TBX22: variants seen among roughly 807,000 people sequenced by gnomAD.
TBX22 encodes the protein T-box transcription factor 22, also known as T-box transcription factor TBX22.
TBX22 carries 8 observed loss-of-function variants against 30.1 expected under a neutral mutation model. The ratio of observed to expected loss-of-function variants is 0.27; its 90% CI spans 0.16 to 0.48. The LOEUF (loss-of-function observed/expected upper bound fraction) is 0.48, where lower values mean the gene tolerates loss of function less well. TBX22 is among the 20% of genes least tolerant of loss of function. The probability of loss-of-function intolerance (pLI) is 0.99; values close to 1 mark genes in which losing one functional copy is unlikely to be tolerated. For synonymous variants in TBX22, 173 were observed against 149.1 expected, an observed-to-expected ratio of 1.16 and a Z score of -1.17; for missense variants, 463 against 400.5, an observed-to-expected ratio of 1.16 and a Z score of -1.33.
In TBX22 at chrX:80,016,945, G is replaced by T. The variant is rs748173050; in HGVS notation, c.-3+2058G>T. On this transcript the variant is annotated intron_variant, in intron 1 of 8. Coordinates refer to ENST00000373296, the MANE Select transcript of TBX22 (RefSeq NM_001109878.2). ...CACCTGAAGCTGGGGGGCAGAGGTT[G>T]CAGTGAGCTGAGATTGTGCCATTGC... is the stretch of plus-strand genomic sequence containing the variant. Among the ~76,000 whole-genome samples, 13 of 101,695 alleles carry T rather than the reference G, an allele frequency of 1.3e-4. No individual in the cohort carries two copies. In the East Asian group the frequency reaches 2.6e-3, roughly 21 times the overall value. The allele number at this position is 101,695 out of a possible 115,157, so 88.3% of individuals were successfully genotyped here.
At chrX:80,021,211 C>A (rs1382141565) in intron 1 of TBX22, among the ~76,000 whole-genome samples, 7 of 111,936 alleles carry the variant, frequency 6.3e-5, no homozygotes, top group African/African-American at 2.3e-4. Context: ...CCTTTTGTTG[C>A]CCTGCTGGTG....
intron 8 of TBX22, among the ~76,000 whole-genome samples, chrX:80,029,768 T>G (rs1349877391): frequency 8.9e-6 from 1 of 112,378 alleles, no homozygotes; most frequent in Non-Finnish European, 1.9e-5. Context: ...TTTAGTAACA[T>G]TTTAAGGTTT....
chrX:80,017,619 A>T (rs755670785), intron 1 of TBX22, among the ~76,000 whole-genome samples: 1 of 111,732 alleles, frequency 8.9e-6, no homozygotes, highest in Non-Finnish European at 1.9e-5. Context: ...ACCATAGGGT[A>T]GAATTACATT....
intron 8 of TBX22, among the ~76,000 whole-genome samples, chrX:80,028,998 T>C (rs1170476503): frequency 9.1e-6 from 1 of 110,489 alleles, no homozygotes; most frequent in Non-Finnish European, 1.9e-5. Flanking sequence ...ATTTAACTAA[T>C]AGCATCTAGA....
chrX:80,028,123 TAAC>T, intron 8 of TBX22, 47 bp downstream of exon 8: 2 of 1,073,217 alleles, frequency 1.9e-6, no homozygotes, highest in Middle Eastern at 2.5e-4. Flanking sequence ...ATCAATTAAA[TAAC>T]AACATCCGGA....
chrX:80,030,729 T>G lies in TBX22; in HGVS notation c.1181T>G (p.Leu394Arg). The G allele has an allele frequency of 2.5e-6, 3 of 1,211,978 alleles. No individual in the cohort carries two copies. Among genetic ancestry groups the G allele is most frequent in the Non-Finnish European group, 3.3e-6 (3 of 895,536 alleles). Residue 394 changes from leucine to arginine, a missense_variant, in exon 9 of 9, where the codon CTA (leucine) becomes CGA (arginine). Leu to Arg is a moderately radical substitution (Grantham distance 102). Coordinates refer to ENST00000373296, the MANE Select transcript of TBX22 (RefSeq NM_001109878.2). Reference protein sequence around the residue: ...QPLVLPAPERLASSNSSQSLA... With the variant: ...QPLVLPAPERRASSNSSQSLA... ...CTTGTTTTACCGGCTCCTGAAAGAC[T>G]AGCAAGCAGCAACAGTTCTCAGTCT...
chrX:80,019,267 T>C (rs2147580675), intron 1 of TBX22, among the ~76,000 whole-genome samples: 1 of 110,484 alleles, frequency 9.1e-6, no homozygotes, highest in South Asian at 3.9e-4. Flanking sequence ...CATTAAAGTG[T>C]TCATTAGAGT....
intron 8 of TBX22, among the ~76,000 whole-genome samples, chrX:80,028,958 G>GA (rs11413078): frequency 0.4 from 40,817 of 103,002 alleles, 7,653 homozygotes; most frequent in African/African-American, 0.7. Flanking sequence ...GGAATTGCAT[G>GA]AAAAAAAAAA....
intron 3 of TBX22, 33 bp from the exon 4 acceptor site, chrX:80,024,030 C>T (rs376072312): frequency 2.5e-5 from 30 of 1,179,523 alleles, no homozygotes; most frequent in Non-Finnish European, 3.2e-5. Context: ...TTTCTAAAAG[C>T]TCTTGGGTCA....
chrX:80,026,891 C>G, intron 6 of TBX22, 23 bp downstream of exon 6: 1 of 1,206,512 alleles, frequency 8.3e-7, no homozygotes. Context: ...ATGTCTCAGG[C>G]GAATGGAAAT....
intron 1 of TBX22, among the ~76,000 whole-genome samples, chrX:80,021,178 T>C (rs1923672000): frequency 8.9e-6 from 1 of 112,331 alleles, no homozygotes; most frequent in African/African-American, 3.2e-5. Context: ...TTTTGAGTTG[T>C]GCACATTCTT....
At chrX:80,017,289 T>C (rs1923497180) in intron 1 of TBX22, among the ~76,000 whole-genome samples, 1 of 106,818 alleles carries the variant, frequency 9.4e-6, no homozygotes, top group Non-Finnish European at 1.9e-5. Flanking sequence ...TTTGTGTGTG[T>C]GTGTGTGTGT....
chrX:80,027,161 C>A (rs948540971), intron 6 of TBX22, 95 bp from the exon 7 acceptor site: 2 of 543,677 alleles, frequency 3.7e-6, no homozygotes, highest in Non-Finnish European at 6.4e-6. Flanking sequence ...CGTGTTTCAA[C>A]ATCTCTTCTG....
At chrX:80,018,281 C>G (rs960827411) in intron 1 of TBX22, among the ~76,000 whole-genome samples, 41 of 112,156 alleles carry the variant, frequency 3.7e-4, no homozygotes, top group African/African-American at 1.3e-3. Context: ...AGAACATACA[C>G]TTACATTGCA....
rs748428571 is a variant in TBX22, at chrX:80,029,183, C to T, written c.949+1107C>T. Among the ~76,000 whole-genome samples, 21 of 111,520 alleles carry T rather than the reference C, an allele frequency of 1.9e-4. No individual in the cohort carries two copies. The South Asian group carries it at 7.9e-3, about 42-fold the overall frequency. On this transcript the variant is annotated intron_variant, in intron 8 of 8. Coordinates refer to ENST00000373296, the MANE Select transcript of TBX22 (RefSeq NM_001109878.2). ...TAGTTTCTTAAATAACTTTTAAATG[C>T]TTTATTATAAAAGATATTTGCCATC...
At chrX:80,023,934 C>A (rs779066546) in intron 3 of TBX22, 129 bp from the exon 4 acceptor site, 7 of 584,875 alleles carry the variant, frequency 1.2e-5, no homozygotes, top group Non-Finnish European at 2.0e-5. Flanking sequence ...CTATTCCTTG[C>A]TATTTTGAAA....
In TBX22 at chrX:80,030,700, A is replaced by T; in HGVS notation, c.1152A>T (p.Gln384His). ...KICPTNFWQQ[Q>H]PLVLPAPERL... is the part of the protein sequence containing the mutation. ...GTCCAACTAATTTTTGGCAACAGCAACCTCTTGTTTTACCGGCTCCTGAAA... is the reference window on the plus strand; with the variant it reads ...GTCCAACTAATTTTTGGCAACAGCATCCTCTTGTTTTACCGGCTCCTGAAA... The change falls in exon 9 of 9, where the codon CAA becomes CAT. Residue 384 changes from glutamine to histidine, a missense_variant. Physicochemically the swap from Gln to His is conservative, Grantham distance 24. Transcript: ENST00000373296. 1 of 1,211,803 alleles carries T rather than the reference A, an allele frequency of 8.3e-7. No individual in the cohort carries two copies. Among genetic ancestry groups the T allele is most frequent in the Admixed American group, 2.2e-5 (1 of 46,027 alleles).
chrX:80,022,969 C>A, intron 2 of TBX22, 91 bp from the exon 3 acceptor site: 2 of 931,771 alleles, frequency 2.1e-6, no homozygotes, highest in Non-Finnish European at 3.1e-6. Context: ...AGGGACAAGG[C>A]CCTGTCTGCT....
At chrX:80,022,228 G>T in intron 1 of TBX22, 40 bp from the exon 2 acceptor site, 2 of 1,200,792 alleles carry the variant, frequency 1.7e-6, no homozygotes, top group Non-Finnish European at 2.3e-6. Flanking sequence ...CCCAGTTCAG[G>T]TTGAAACTTT....
Sources: allele counts gnomAD v4.1 joint callset (sites outside exome capture counted in the v4.1 genomes callset), GRCh38; gene constraint gnomAD v4.1.1; transcripts MANE v1.5; gene names NCBI Gene and HGNC (gene_info 2026-07-23, HGNC 2026-07-21).